ARHGEF3: variants seen among roughly 807,000 people sequenced by gnomAD.
The protein encoded by ARHGEF3 is 59.8 kDA protein.
Under a neutral mutation model 63.2 loss-of-function variants are expected in ARHGEF3, and 28 were observed. The observed-to-expected ratio is 0.44, with a 90% CI of 0.33 to 0.61. The LOEUF (loss-of-function observed/expected upper bound fraction) is 0.61, where lower values mean the gene tolerates loss of function less well. Among genes scored for constraint, ARHGEF3 ranks in the 20% least tolerant of loss-of-function variants. The pLI, the probability that ARHGEF3 is intolerant of heterozygous loss-of-function variation, is 0.03. For missense variants in ARHGEF3, 533 were observed against 659.3 expected (o/e 0.81, Z 2.10); for synonymous variants, 266 against 254.2 (o/e 1.05, Z -0.44).
chr3:56,793,158 C>G (rs2037173169), intron 1 of ARHGEF3, among the ~76,000 whole-genome samples: 1 of 150,072 alleles, frequency 6.7e-6, no homozygotes, highest in Admixed American at 6.7e-5. Context: ...CTCCCGCCAC[C>G]AGGCCCAGAT....
At chr3:56,970,817 G>A (rs1700877423) in intron 2 of ARHGEF3, among the ~76,000 whole-genome samples, 1 of 152,230 alleles carries the variant, frequency 6.6e-6, no homozygotes, top group South Asian at 2.1e-4. Context: ...CAGTAGTTAA[G>A]AGCACAGAAG....
intron 2 of ARHGEF3, among the ~76,000 whole-genome samples, chr3:56,757,932 C>T (rs2035175442): frequency 1.3e-5 from 2 of 150,942 alleles, no homozygotes; most frequent in African/African-American, 2.4e-5. Flanking sequence ...CTGTGTTAGC[C>T]AGGGTGGTCT....
At chr3:57,035,242 G>A in intron 1 of ARHGEF3, 1 of 887,970 alleles carries the variant, frequency 1.1e-6, no homozygotes, top group Middle Eastern at 2.6e-4. Flanking sequence ...AACACACAAA[G>A]AGCTGCATTA....
chr3:56,968,755 T>C (rs1700778494), intron 2 of ARHGEF3, among the ~76,000 whole-genome samples: 1 of 152,176 alleles, frequency 6.6e-6, no homozygotes, highest in Admixed American at 6.5e-5. Flanking sequence ...TAGAGATACT[T>C]TATTTTTTTT....
chr3:57,065,647 T>C (rs965897531), intron 1 of ARHGEF3, among the ~76,000 whole-genome samples: 1 of 152,144 alleles, frequency 6.6e-6, no homozygotes, highest in Non-Finnish European at 1.5e-5. Context: ...ATAATAAATG[T>C]TTAATGTCTT....
rs559411038 is a variant in ARHGEF3 at position 56,953,499 on chromosome 3, C to T, written c.129+5324G>A. On this transcript the variant is annotated intron_variant, in intron 3 of 12. Coordinates refer to the ARHGEF3 transcript ENST00000338458. ...AACAGAGTCCCTTTTGGTAACAACA[C>T]CAAACTCTTTCTTTGAGCAGCTGCC... Among the ~76,000 whole-genome samples the T allele has an allele frequency of 3.3e-5, 5 of 152,302 alleles. No individual in the cohort carries two copies. The South Asian group carries it at 1.0e-3, about 32-fold the overall frequency.
chr3:56,739,967 T>C (rs954190952), intron 7 of ARHGEF3, among the ~76,000 whole-genome samples: 8 of 151,938 alleles, frequency 5.3e-5, no homozygotes, highest in African/African-American at 1.9e-4. Flanking sequence ...TGGCACGATC[T>C]TGGCTCACTG....
chr3:56,858,498 A>G (rs957293253), intron 4 of ARHGEF3, among the ~76,000 whole-genome samples: 3 of 152,186 alleles, frequency 2.0e-5, no homozygotes, highest in Non-Finnish European at 2.9e-5. Context: ...GATTATAACA[A>G]TTGACAATGG....
At chr3:56,780,176 G>A (rs1052447563) in intron 1 of ARHGEF3, among the ~76,000 whole-genome samples, 5 of 152,176 alleles carry the variant, frequency 3.3e-5, no homozygotes, top group Non-Finnish European at 7.3e-5. Context: ...TAATGACGAT[G>A]AGCACATAGC....
At chr3:56,838,230 G>T (rs188550324) in intron 4 of ARHGEF3, among the ~76,000 whole-genome samples, 2 of 151,942 alleles carry the variant, frequency 1.3e-5, no homozygotes, top group Non-Finnish European at 2.9e-5. Flanking sequence ...AAAATACTGT[G>T]GGGGGGAATA....
chr3:57,074,204 G>C, intron 1 of ARHGEF3: 1 of 1,614,080 alleles, frequency 6.2e-7, no homozygotes, highest in East Asian at 2.2e-5. Context: ...CATTTACTGA[G>C]GGCTGCTTTG....
intron 2 of ARHGEF3, among the ~76,000 whole-genome samples, chr3:56,770,622 C>T (rs1168393498): frequency 1.3e-5 from 2 of 152,082 alleles, no homozygotes; most frequent in Non-Finnish European, 2.9e-5. Flanking sequence ...CCATGCTTTG[C>T]AGATCATTCT....
At chr3:57,033,772 C>T (rs1027231993) in intron 2 of ARHGEF3, among the ~76,000 whole-genome samples, 27 of 152,036 alleles carry the variant, frequency 1.8e-4, no homozygotes, top group African/African-American at 4.6e-4. Flanking sequence ...AGGCTGGGCG[C>T]GGTGGCTCAT....
At chr3:56,967,118 C>T (rs1700533053) in intron 2 of ARHGEF3, among the ~76,000 whole-genome samples, 1 of 148,188 alleles carries the variant, frequency 6.7e-6, no homozygotes, top group Non-Finnish European at 1.5e-5. Context: ...CTGCCTCGGC[C>T]TCCGAAAGTG....
chr3:56,753,427 G>T (rs1288110341), intron 4 of ARHGEF3, 77 bp downstream of exon 4: 2 of 1,248,942 alleles, frequency 1.6e-6, no homozygotes, highest in African/African-American at 3.0e-5. Context: ...TTCTCACGAA[G>T]CACCACTTTA....
At chr3:56,884,595 T>G (rs1264796394) in intron 3 of ARHGEF3, among the ~76,000 whole-genome samples, 1 of 152,092 alleles carries the variant, frequency 6.6e-6, no homozygotes, top group Non-Finnish European at 1.5e-5. Flanking sequence ...TTTGGGAGGG[T>G]GCCCAGGAAT....
At chr3:57,014,766 C>T (rs1239488072) in intron 2 of ARHGEF3, among the ~76,000 whole-genome samples, 3 of 151,892 alleles carry the variant, frequency 2.0e-5, no homozygotes, top group African/African-American at 4.8e-5. Context: ...CCACAAGCTC[C>T]ACCTCCCAGG....
At chr3:56,808,123 C>T (rs1197395641) in intron 4 of ARHGEF3, among the ~76,000 whole-genome samples, 1 of 114,752 alleles carries the variant, frequency 8.7e-6, no homozygotes, top group Non-Finnish European at 1.9e-5. Flanking sequence ...GACTCTGTCT[C>T]AAAAAAAAAA....
Position 56,950,829 on chromosome 3 carries a change from C to T in ARHGEF3, c.129+7994G>A, listed in dbSNP as rs553842855. ...ATGCTGCTATAAAGACACATGCACACGTATGTTTATTGCAGCACTATTCAC... is the reference window on the plus strand; with the variant it reads ...ATGCTGCTATAAAGACACATGCACATGTATGTTTATTGCAGCACTATTCAC... On this transcript the variant is annotated intron_variant, in intron 3 of 12. Transcript: ENST00000338458. Among the ~76,000 whole-genome samples the T allele has an allele frequency of 5.4e-4, 82 of 152,080 alleles. 2 individuals carry two copies. Among genetic ancestry groups the T allele is most frequent in the African/African-American group, 1.8e-3 (75 of 41,366 alleles).
Sources: gnomAD v4.1 joint callset for allele counts (sites outside exome capture counted in the v4.1 genomes callset) on GRCh38, gnomAD v4.1.1 for gene constraint, MANE v1.5 for transcripts, NCBI Gene and HGNC (gene_info 2026-07-23, HGNC 2026-07-21) for gene names.